COL18A1: variants seen among roughly 807,000 people sequenced by gnomAD.
The protein encoded by COL18A1 is collagen alpha-1(XVIII) chain.
A neutral mutation model predicts 168.0 loss-of-function variants in COL18A1; 133 were observed. The observed-to-expected ratio is 0.79, with a 90% CI of 0.69 to 0.91. COL18A1 has a LOEUF of 0.91. Ranked by LOEUF, COL18A1 falls within the 40% of genes least tolerant of loss-of-function variation. COL18A1 has a pLI of 0.00. For missense variants in COL18A1, 2,126 were observed against 1,925.4 expected (o/e 1.10, Z -1.95); for synonymous variants, 949 against 809.0 (o/e 1.17, Z -2.94).
Position 45,486,901 on chromosome 21 carries a change from A to G in COL18A1, c.1742A>G (p.Glu581Gly). Residue 581 changes from glutamate (E) to glycine (G), a missense_variant, in exon 16 of 42, where the codon GAG (glutamate) becomes GGG (glycine). Physicochemically the swap from Glu to Gly is moderately conservative, Grantham distance 98 (BLOSUM62 -2). Transcript: ENST00000651438. ...GAPGPAGARG[E>G]SGLAGAPGPA... ...CCCGGTCCTGCTGGTGCTCGTGGGG[A>G]GAGCGGCCTGGCAGGAGCCCCCGGA... 6.6e-7 allele frequency: 1 copy of G among 1,523,580 alleles called. No individual in the cohort carries two copies. 94.4% of individuals were successfully genotyped at this position (1,523,580 alleles called of 1,614,324 possible). A position where few individuals can be genotyped will look rare whatever the true frequency, so the allele number is the denominator to read the frequency against.
chr21:45,469,012 C>T (rs1406943488), intron 3 of COL18A1, among the ~76,000 whole-genome samples: 1 of 152,244 alleles, frequency 6.6e-6, no homozygotes, highest in African/African-American at 2.4e-5. Flanking sequence ...GGGTGGCATT[C>T]ACTTTCTTGG....
chr21:45,410,430 TGACCCTGCGGG>T (rs61195932), intron 2 of COL18A1, among the ~76,000 whole-genome samples: 23,074 of 42,136 alleles, frequency 0.55, 2,139 homozygotes, highest in Middle Eastern at 0.56. Flanking sequence ...GGTCAAGGGC[TGACCCTGCGGG>T]GACCCCTGCA....
intron 2 of COL18A1, among the ~76,000 whole-genome samples, chr21:45,436,731 G>A (rs1348863733): frequency 1.3e-5 from 2 of 151,902 alleles, no homozygotes; most frequent in African/African-American, 4.8e-5. Flanking sequence ...GCCCTAGAAG[G>A]AGGGAGCCGT....
intron 2 of COL18A1, among the ~76,000 whole-genome samples, chr21:45,428,643 A>G (rs1270763994): frequency 6.6e-6 from 1 of 152,138 alleles, no homozygotes; most frequent in Non-Finnish European, 1.5e-5. Context: ...CGGCCCCAAG[A>G]ACCTGCGAGT....
chr21:45,456,396 T>C (rs959202481), intron 2 of COL18A1: 3 of 1,546,330 alleles, frequency 1.9e-6, no homozygotes, highest in African/African-American at 1.4e-5. Flanking sequence ...CCGGGCGCAC[T>C]GTCTCAGGTC....
intron 2 of COL18A1, chr21:45,420,166 C>G (rs965540716): frequency 5.9e-5 from 9 of 152,298 alleles, no homozygotes; most frequent in African/African-American, 2.2e-4. Context: ...TCCTCCGAGT[C>G]TCCTGGCAGA....
In COL18A1 at chr21:45,468,235, T is replaced by C; in HGVS notation, c.107-7T>C. On this transcript the variant is annotated splice_region_variant and splice_polypyrimidine_tract_variant and intron_variant, in intron 2 of 41. Coordinates refer to ENST00000651438, the MANE Select transcript of COL18A1 (RefSeq NM_001379500.1). ...AGCCACCTCACCAGCTGTCTTTCTTTTTGCAGAGCGCATCAGCGAGGAGGT... is the reference window on the plus strand; with the variant it reads ...AGCCACCTCACCAGCTGTCTTTCTTCTTGCAGAGCGCATCAGCGAGGAGGT... The C allele has an allele frequency of 6.2e-7, 1 of 1,612,858 alleles. No homozygotes were observed. Among genetic ancestry groups the C allele is most frequent in the Admixed American group, 1.7e-5 (1 of 60,018 alleles).
At chr21:45,431,302 C>G (rs2033951646) in intron 2 of COL18A1, among the ~76,000 whole-genome samples, 1 of 152,066 alleles carries the variant, frequency 6.6e-6, no homozygotes, top group Non-Finnish European at 1.5e-5. Flanking sequence ...CTGCTGTGTG[C>G]AGGGCCAGTG....
Position 45,509,579 on chromosome 21 carries a change from G to GCCA in COL18A1, c.3476_3478dup (p.His1159dup), listed in dbSNP as rs1246532550. ...CGACCCACAAGCCCACCCGCCCACAGCCACCGCGACTTCCAGCCGGTGGTG... is the reference window on the plus strand; with the variant it reads ...CGACCCACAAGCCCACCCGCCCACAGCCACCACCGCGACTTCCAGCCGGTGGTG... On this transcript the variant is annotated inframe_insertion, in exon 39 of 42. Transcript: ENST00000651438. 3 of 1,524,304 alleles carry GCCA rather than the reference G, an allele frequency of 2.0e-6. No homozygotes were observed. The highest frequency in any genetic ancestry group is 2.6e-6 in the Non-Finnish European group (3 of 1,136,084). The allele number at this position is 1,524,304 out of a possible 1,614,324, so 94.4% of individuals were successfully genotyped here. A position where few individuals can be genotyped will look rare whatever the true frequency, so the allele number is the denominator to read the frequency against.
chr21:45,499,496 T>G (rs1205049001), intron 32 of COL18A1, among the ~76,000 whole-genome samples: 3,957 of 67,140 alleles, frequency 0.059, 266 homozygotes, highest in Admixed American at 0.07. Flanking sequence ...AGAGGCTCCC[T>G]CAGGAACCTG....
chr21:45,487,049 C>T, intron 16 of COL18A1, 57 bp downstream of exon 16: 1 of 1,438,948 alleles, frequency 6.9e-7, no homozygotes, highest in Non-Finnish European at 9.1e-7. Context: ...TTGCCCCAGC[C>T]CTACTACCCC....
At chr21:45,456,783 C>T (rs746954871) in intron 2 of COL18A1, 20 of 1,541,378 alleles carry the variant, frequency 1.3e-5, no homozygotes, top group South Asian at 1.1e-4. Context: ...CTGCAGGATG[C>T]GTGTTGGAGC....
chr21:45,406,215 C>T (rs765143579), intron 2 of COL18A1, among the ~76,000 whole-genome samples: 1 of 152,136 alleles, frequency 6.6e-6, no homozygotes, highest in Non-Finnish European at 1.5e-5. Flanking sequence ...GGGGAGGCGG[C>T]GGGGACGCGG....
intron 2 of COL18A1, among the ~76,000 whole-genome samples, chr21:45,451,135 CAA>C (rs750531007): frequency 2.0e-5 from 3 of 152,232 alleles, no homozygotes; most frequent in Non-Finnish European, 4.4e-5. Context: ...GTCATGATAA[CAA>C]GAGTGGCTGC....
At chr21:45,500,765 G>T (rs1418692088) in intron 32 of COL18A1, among the ~76,000 whole-genome samples, 48 of 3,432 alleles carry the variant, frequency 0.014, no homozygotes, top group Non-Finnish European at 0.02. Context: ...GGTGTGGTTT[G>T]GTGTGTGTGT....
intron 2 of COL18A1, among the ~76,000 whole-genome samples, chr21:45,466,931 G>C (rs2035233469): frequency 6.6e-6 from 1 of 152,350 alleles, no homozygotes. Context: ...GGACATGTGG[G>C]ACCAGGCACT....
chr21:45,470,665 T>G (rs1233691603), intron 3 of COL18A1, among the ~76,000 whole-genome samples: 1 of 152,034 alleles, frequency 6.6e-6, no homozygotes, highest in Non-Finnish European at 1.5e-5. Flanking sequence ...TTTTGTATTT[T>G]TAGTAGAGAC....
intron 18 of COL18A1, 128 bp downstream of exon 18, chr21:45,488,572 G>T: frequency 7.2e-7 from 1 of 1,385,978 alleles, no homozygotes; most frequent in Non-Finnish European, 1.0e-6. Context: ...TTCATCCTGG[G>T]AAGTTTGCAA....
chr21:45,440,095 C>T (rs1289385265), intron 2 of COL18A1, among the ~76,000 whole-genome samples: 6 of 152,248 alleles, frequency 3.9e-5, no homozygotes, highest in Non-Finnish European at 8.8e-5. Flanking sequence ...GGGCAAACGT[C>T]TCCGGCCTAG....
Sources: allele counts gnomAD v4.1 joint callset (sites outside exome capture counted in the v4.1 genomes callset), GRCh38; gene constraint gnomAD v4.1.1; transcripts MANE v1.5; gene names NCBI Gene and HGNC (gene_info 2026-07-23, HGNC 2026-07-21).